Variants in CDK14 observed in about 807,000 individuals in gnomAD.
CDK14 encodes the protein cyclin-dependent kinase 14.
A neutral mutation model predicts 60.7 loss-of-function variants in CDK14; 34 were observed. The observed-to-expected ratio is 0.56, with a 90% CI of 0.43 to 0.75. The LOEUF (loss-of-function observed/expected upper bound fraction) is 0.75. CDK14 is among the 30% of genes least tolerant of loss of function. The pLI, the probability that CDK14 is intolerant of heterozygous loss-of-function variation, is 0.00. For synonymous variants in CDK14, 197 were observed against 203.7 expected (o/e 0.97, Z 0.28); for missense variants, 482 against 564.1 (o/e 0.85, Z 1.47).
chr7:90,602,159 G>C (rs1799329956), intron 1 of CDK14, among the ~76,000 whole-genome samples: 2 of 152,064 alleles, frequency 1.3e-5, no homozygotes, highest in African/African-American at 4.8e-5. Context: ...AAAACACATG[G>C]CTAAATTTCC....
In CDK14 at chr7:90,921,978, G is replaced by A. The variant is rs149973148; in HGVS notation, c.826+4254G>A. Among the ~76,000 whole-genome samples the A allele has an allele frequency of 5.3e-3, 804 of 152,276 alleles. 9 individuals are homozygous for A. Among genetic ancestry groups the A allele is most frequent in the African/African-American group, 0.018 (758 of 41,570 alleles). On this transcript the variant is annotated intron_variant, in intron 8 of 14. Coordinates refer to ENST00000380050, the MANE Select transcript of CDK14 (RefSeq NM_001287135.2). ...ATGGTAAGTTCATGGCTTGTCATAT[G>A]CTTCTCTGAATTCACATAAGAATAG...
chr7:91,181,584 C>T (rs556094921), intron 14 of CDK14, among the ~76,000 whole-genome samples: 2 of 152,190 alleles, frequency 1.3e-5, no homozygotes, highest in East Asian at 3.9e-4. Context: ...AGAAAATCTT[C>T]CCCTTATTAT....
chr7:91,196,181 T>G (rs1400077573), intron 14 of CDK14, among the ~76,000 whole-genome samples: 1 of 152,234 alleles, frequency 6.6e-6, no homozygotes, highest in Non-Finnish European at 1.5e-5. Flanking sequence ...TTGGTAAATA[T>G]TTAACAGTTG....
intron 6 of CDK14, among the ~76,000 whole-genome samples, chr7:90,881,014 A>G (rs1002813263): frequency 1.9e-4 from 29 of 152,274 alleles, no homozygotes; most frequent in Middle Eastern, 3.4e-3. Context: ...TAAAAACCCA[A>G]AAGGCTAGAG....
At chr7:91,148,348 G>C (rs1456328786) in intron 14 of CDK14, among the ~76,000 whole-genome samples, 2 of 128,424 alleles carry the variant, frequency 1.6e-5, no homozygotes, top group Non-Finnish European at 3.9e-5. Flanking sequence ...ATTCCAGCCT[G>C]GGCAATCAAG....
At chr7:90,879,295 T>C (rs369577481) in intron 6 of CDK14, among the ~76,000 whole-genome samples, 12 of 152,224 alleles carry the variant, frequency 7.9e-5, no homozygotes, top group African/African-American at 2.9e-4. Flanking sequence ...TTTTTTAACC[T>C]TTTATACCCA....
At chr7:90,720,945 G>C (rs2116687075) in intron 2 of CDK14, among the ~76,000 whole-genome samples, 1 of 152,240 alleles carries the variant, frequency 6.6e-6, no homozygotes, top group East Asian at 1.9e-4. Context: ...CGGGTTGGCA[G>C]TTAAGCTGAG....
Position 90,899,324 on chromosome 7 carries a change from C to T in CDK14, c.673C>T (p.Pro225Ser). Residue 225 changes from proline to serine, a missense_variant, in exon 7 of 15, where the codon CCT (proline) becomes TCT (serine). Physicochemically the swap from Pro to Ser is moderately conservative, Grantham distance 74. Transcript: ENST00000380050. The part of the protein sequence containing the change: ...TDLCQYMDKH[P>S]GGLHPDNVKL... ...TTTATGTCAGTACATGGACAAGCACCCTGGGGGGCTGCATCCAGATAATGT... is the reference window on the plus strand; with the variant it reads ...TTTATGTCAGTACATGGACAAGCACTCTGGGGGGCTGCATCCAGATAATGT... The T allele has an allele frequency of 1.2e-6, 2 of 1,601,546 alleles. No homozygotes were observed. The highest frequency in any genetic ancestry group is 8.5e-7 in the Non-Finnish European group (1 of 1,174,756).
intron 14 of CDK14, among the ~76,000 whole-genome samples, chr7:91,161,567 C>T (rs965973332): frequency 7.9e-5 from 12 of 152,132 alleles, no homozygotes; most frequent in Non-Finnish European, 1.8e-4. Flanking sequence ...AAAATGGCTG[C>T]GGAGTGAAGG....
chr7:90,939,265 T>C (rs2117502066), intron 8 of CDK14, among the ~76,000 whole-genome samples: 1 of 152,336 alleles, frequency 6.6e-6, no homozygotes, highest in South Asian at 2.1e-4. Flanking sequence ...ATATTTAAAG[T>C]ATACATAACA....
chr7:91,206,903 A>C (rs756393272), intron 14 of CDK14, among the ~76,000 whole-genome samples: 10 of 152,202 alleles, frequency 6.6e-5, no homozygotes, highest in Non-Finnish European at 1.3e-4. Context: ...CTAAATATCC[A>C]AGAGGAAGAT....
intron 4 of CDK14, among the ~76,000 whole-genome samples, chr7:90,765,812 A>C (rs1804533197): frequency 6.6e-6 from 1 of 152,192 alleles, no homozygotes. Context: ...GGAATAATCG[A>C]GTATGTATAT....
intron 4 of CDK14, among the ~76,000 whole-genome samples, chr7:90,756,406 C>G (rs1184760056): frequency 6.6e-6 from 1 of 152,158 alleles, no homozygotes; most frequent in Non-Finnish European, 1.5e-5. Context: ...AAAAGAAAGA[C>G]TTTAAAAGTA....
chr7:90,923,114 T>TA (rs1354715880), intron 8 of CDK14, among the ~76,000 whole-genome samples: 2 of 149,934 alleles, frequency 1.3e-5, no homozygotes, highest in Non-Finnish European at 3.0e-5. Flanking sequence ...CATCTTTTTT[T>TA]TTTTTTTTTT....
intron 2 of CDK14, among the ~76,000 whole-genome samples, chr7:90,656,072 C>T (rs553789165): frequency 6.6e-6 from 1 of 152,322 alleles, no homozygotes; most frequent in South Asian, 2.1e-4. Flanking sequence ...CCTTTTGCGA[C>T]TTCCAGGCAT....
intron 10 of CDK14, among the ~76,000 whole-genome samples, chr7:91,042,806 A>C (rs1797125025): frequency 6.6e-6 from 1 of 152,142 alleles, no homozygotes; most frequent in Non-Finnish European, 1.5e-5. Context: ...TTCTAACTTA[A>C]ATGTGTCTTG....
At chr7:90,975,767 G>A (rs1262357921) in intron 9 of CDK14, among the ~76,000 whole-genome samples, 3 of 151,772 alleles carry the variant, frequency 2.0e-5, no homozygotes, top group African/African-American at 7.3e-5. Context: ...TTTAGCTTCC[G>A]TATATGAGTG....
intron 2 of CDK14, among the ~76,000 whole-genome samples, chr7:90,657,524 A>G (rs1563033480): frequency 6.6e-6 from 1 of 152,192 alleles, no homozygotes; most frequent in Non-Finnish European, 1.5e-5. Flanking sequence ...ATATAAATTA[A>G]TCTTTTGATA....
chr7:91,179,127 G>A (rs1801895899), intron 14 of CDK14, among the ~76,000 whole-genome samples: 1 of 151,984 alleles, frequency 6.6e-6, no homozygotes, highest in Non-Finnish European at 1.5e-5. Flanking sequence ...ATGATAGACT[G>A]GATTAAGAAA....
Sources: gnomAD v4.1 joint callset for allele counts (sites outside exome capture counted in the v4.1 genomes callset) on GRCh38, gnomAD v4.1.1 for gene constraint, MANE v1.5 for transcripts, NCBI Gene and HGNC (gene_info 2026-07-23, HGNC 2026-07-21) for gene names.